HHIP: variants seen among roughly 807,000 people sequenced by gnomAD.
HHIP encodes hedgehog-interacting protein.
Under a neutral mutation model 74.0 loss-of-function variants are expected in HHIP, and 12 were observed. That is an observed-to-expected ratio of 0.16 (90% CI 0.10 to 0.26). The LOEUF is 0.26. HHIP is among the 10% of genes least tolerant of loss of function. HHIP has a pLI of 1.00. For missense variants in HHIP, 788 were observed against 845.0 expected, an observed-to-expected ratio of 0.93 and a Z score of 0.84; for synonymous variants, 309 against 311.6, an observed-to-expected ratio of 0.99 and a Z score of 0.09.
intron 4 of HHIP, among the ~76,000 whole-genome samples, chr4:144,679,198 C>G (rs1413329386): frequency 1.3e-5 from 2 of 151,834 alleles, no homozygotes; most frequent in Non-Finnish European, 2.9e-5. Context: ...AGTGTCTGTT[C>G]ATATCATTTG....
intron 4 of HHIP, among the ~76,000 whole-genome samples, chr4:144,678,013 C>T (rs1373128266): frequency 1.3e-5 from 2 of 152,160 alleles, no homozygotes; most frequent in African/African-American, 4.8e-5. Context: ...TTAGTAACTT[C>T]TAAGTTGCAG....
rs745577853 is a variant in HHIP, at chr4:144,652,777, C to T, written c.452C>T (p.Thr151Ile). 3 of 1,595,126 alleles carry T rather than the reference C, an allele frequency of 1.9e-6. No individual in the cohort carries two copies. Among genetic ancestry groups the T allele is most frequent in the South Asian group, 1.2e-5 (1 of 86,554 alleles). ...GACTATTGCAAAGAATTCTTTTACA[C>T]TTGCCGAGGCCATATTCCAGGTAAG... is the stretch of plus-strand genomic sequence containing the variant. ...CKDYCKEFFY[T>I]CRGHIPGFLQ... is the part of the protein sequence containing the mutation. Residue 151 changes from threonine to isoleucine, a missense_variant, in exon 2 of 13, where the codon ACT (threonine) becomes ATT (isoleucine). Around this residue, in one of 3 missense-constraint regions of HHIP, gnomAD observed 373 missense variants for 366.4 expected, o/e 1.02. Coordinates refer to ENST00000296575, the MANE Select transcript of HHIP (RefSeq NM_022475.3).
At chr4:144,727,661 T>C (rs1473284274) in intron 11 of HHIP, among the ~76,000 whole-genome samples, 2 of 152,198 alleles carry the variant, frequency 1.3e-5, no homozygotes, top group African/African-American at 4.8e-5. Context: ...TCATTAATCT[T>C]TTCTCCTAGG....
chr4:144,734,542 AC>A (rs1340549951), intron 11 of HHIP, among the ~76,000 whole-genome samples, 198 bp from the exon 12 acceptor site: 1 of 152,106 alleles, frequency 6.6e-6, no homozygotes, highest in African/African-American at 2.4e-5. Flanking sequence ...TAGTTGGGTT[AC>A]AAACTGGTTA....
chr4:144,701,929 T>A (rs941184955), intron 4 of HHIP, among the ~76,000 whole-genome samples: 4 of 152,108 alleles, frequency 2.6e-5, no homozygotes, highest in Admixed American at 1.3e-4. Flanking sequence ...CACATTAAAG[T>A]ATGAAGAGAA....
intron 7 of HHIP, among the ~76,000 whole-genome samples, chr4:144,708,849 T>G (rs1038443190): frequency 1.2e-4 from 19 of 152,204 alleles, no homozygotes; most frequent in African/African-American, 4.3e-4. Context: ...CAGTGTTAAT[T>G]TGCAAGGAGT....
chr4:144,698,773 G>C (rs1460440178), intron 4 of HHIP, among the ~76,000 whole-genome samples: 1 of 152,158 alleles, frequency 6.6e-6, no homozygotes, highest in Non-Finnish European at 1.5e-5. Context: ...AAAGCCAAAA[G>C]AGTGGATTAC....
At chr4:144,713,300 T>G (rs183624909) in intron 8 of HHIP, among the ~76,000 whole-genome samples, 2 of 152,240 alleles carry the variant, frequency 1.3e-5, no homozygotes, top group Non-Finnish European at 2.9e-5. Flanking sequence ...CTCCAGAGTT[T>G]GTGACCTTAA....
chr4:144,729,299 G>A (rs1044344322), intron 11 of HHIP, among the ~76,000 whole-genome samples: 6 of 152,124 alleles, frequency 3.9e-5, no homozygotes, highest in African/African-American at 9.7e-5. Context: ...TGCTTACAGC[G>A]TGAGGAAATT....
In HHIP at chr4:144,651,979, T is replaced by C. The variant is rs113304467; in HGVS notation, c.280-626T>C. ...AAAATTTTTCCTGGCTAAGATATAA[T>C]GAATAATAAAAATTGGTTTTAAACC... On this transcript the variant is annotated intron_variant, in intron 1 of 12. Coordinates refer to ENST00000296575, the MANE Select transcript of HHIP (RefSeq NM_022475.3). Among the ~76,000 whole-genome samples, 635 of 152,188 alleles carry C rather than the reference T, an allele frequency of 4.2e-3. 6 individuals are homozygous for C. Among genetic ancestry groups the C allele is most frequent in the African/African-American group, 0.014 (599 of 41,548 alleles).
rs201690271 is a variant in HHIP at position 144,707,179 on chromosome 4, T to C, written c.1076T>C (p.Phe359Ser). Residue 359 changes from phenylalanine (F) to serine (S), a missense_variant, in exon 6 of 13, where the codon TTT (phenylalanine) becomes TCT (serine). Around this residue, in one of 3 missense-constraint regions of HHIP, gnomAD observed 72 missense variants for 130.6 expected, o/e 0.55. Coordinates refer to ENST00000296575, the MANE Select transcript of HHIP (RefSeq NM_022475.3). The stretch of plus-strand genomic sequence containing the variant: ...AAGCATCTGGGAGGACAACTGCTCT[T>C]TGGCCCTGACGGCTTTTTGTACATC... ...HRKHLGGQLL[F>S]GPDGFLYIIL... 20 of 1,614,086 alleles carry C rather than the reference T, an allele frequency of 1.2e-5. No homozygotes were observed. Among genetic ancestry groups the C allele is most frequent in the Non-Finnish European group, 1.6e-5 (19 of 1,179,956 alleles).
intron 4 of HHIP, among the ~76,000 whole-genome samples, chr4:144,666,230 G>T: frequency 6.7e-6 from 1 of 148,788 alleles, no homozygotes; most frequent in East Asian, 2.0e-4. Context: ...TTTGAAGATT[G>T]TTTCCTGATA....
intron 11 of HHIP, among the ~76,000 whole-genome samples, chr4:144,733,984 C>T (rs1244938773): frequency 6.6e-6 from 1 of 152,034 alleles, no homozygotes; most frequent in Non-Finnish European, 1.5e-5. Flanking sequence ...CTGTTTGCTA[C>T]TTTTAGCATT....
chr4:144,670,322 A>C (rs898130156), intron 4 of HHIP, among the ~76,000 whole-genome samples: 44 of 144,888 alleles, frequency 3.0e-4, no homozygotes, highest in African/African-American at 1.1e-3. Context: ...TTAGCCAGGC[A>C]TGGTGGTGCG....
intron 10 of HHIP, among the ~76,000 whole-genome samples, chr4:144,716,029 C>CA (rs999992282): frequency 4.0e-5 from 6 of 151,670 alleles, no homozygotes; most frequent in Admixed American, 1.3e-4. Flanking sequence ...GCTTAAAAAG[C>CA]AAAAAAGAAG....
intron 6 of HHIP, 43 bp downstream of exon 6, chr4:144,707,303 A>T: frequency 6.7e-7 from 1 of 1,484,124 alleles, no homozygotes; most frequent in Non-Finnish European, 9.1e-7. Flanking sequence ...AGGTTAAAAT[A>T]GTTTAAGTGC....
chr4:144,656,487 C>A (rs1043211566), intron 2 of HHIP, among the ~76,000 whole-genome samples: 4 of 152,128 alleles, frequency 2.6e-5, no homozygotes, highest in African/African-American at 9.7e-5. Context: ...TTGGAATTGA[C>A]CACCAGCATT....
intron 11 of HHIP, among the ~76,000 whole-genome samples, chr4:144,722,984 T>C (rs949787806): frequency 6.6e-6 from 1 of 152,238 alleles, no homozygotes. Context: ...GTTATGTAAC[T>C]TCCAAGATTT....
intron 4 of HHIP, among the ~76,000 whole-genome samples, chr4:144,675,769 A>T (rs1729154390): frequency 6.6e-6 from 1 of 152,182 alleles, no homozygotes; most frequent in Non-Finnish European, 1.5e-5. Context: ...AAAATTACAC[A>T]CCTAATTTTT....
Sources: gnomAD v4.1 joint callset for allele counts (sites outside exome capture counted in the v4.1 genomes callset) on GRCh38, gnomAD v4.1.1 for gene constraint, gnomAD v4.1.1 regional missense constraint, MANE v1.5 for transcripts, NCBI Gene and HGNC (gene_info 2026-07-23, HGNC 2026-07-21) for gene names.